Variants in VWA5B2 observed in about 807,000 individuals in gnomAD.
The protein encoded by VWA5B2 is von Willebrand factor A domain containing 5B2.
Under a neutral mutation model 118.5 loss-of-function variants are expected in VWA5B2, and 93 were observed. The observed-to-expected ratio is 0.79, with a 90% confidence interval of 0.66 to 0.93. The LOEUF (loss-of-function observed/expected upper bound fraction) is 0.93. VWA5B2 is among the 40% of genes least tolerant of loss of function. The probability of loss-of-function intolerance (pLI) is 0.00; values close to 1 mark genes in which losing one functional copy is unlikely to be tolerated. For synonymous variants in VWA5B2, 708 were observed against 716.3 expected (o/e 0.99, Z 0.19); for missense variants, 1,546 against 1,672.8 (o/e 0.92, Z 1.32).
Position 184,233,127 on chromosome 3 carries a change from C to A in VWA5B2, c.311-51C>A, listed in dbSNP as rs537734745. ...TGCCTGCTTCCACATCTAGCTTCCTCCCTCTCCTCTGCTTCCAGCATGCTC... is the reference window on the plus strand; with the variant it reads ...TGCCTGCTTCCACATCTAGCTTCCTACCTCTCCTCTGCTTCCAGCATGCTC... On this transcript the variant is annotated intron_variant, in intron 3 of 19. Transcript: ENST00000691901. The surrounding 1 kb of genome is among the most constrained non-coding windows in gnomAD (Gnocchi z 5.2). 23 of 1,498,686 alleles carry A rather than the reference C, an allele frequency of 1.5e-5. No individual in the cohort carries two copies. In the African/African-American group the frequency reaches 2.9e-4, roughly 19 times the overall value. 92.8% of individuals were successfully genotyped at this position (1,498,686 alleles called of 1,614,324 possible).
intron 1 of VWA5B2, among the ~76,000 whole-genome samples, chr3:184,230,056 G>A (rs754362749): frequency 5.3e-4 from 80 of 152,110 alleles, no homozygotes; most frequent in Non-Finnish European, 1.1e-3. Context: ...CAGGGCCGGG[G>A]GCCTCCGGGG....
chr3:184,236,282 C>G lies in VWA5B2; in HGVS notation c.1212+20C>G. ...AGTGATGTGAGTGTGGTCCAGGGAT[C>G]TGGGGGCCTTACAGAGAGGTTTCAG... On this transcript the variant is annotated intron_variant, in intron 9 of 19. Coordinates refer to ENST00000691901, the MANE Select transcript of VWA5B2 (RefSeq NM_001390846.1). 3.2e-6 allele frequency: 5 copies of G among 1,551,720 alleles called. No homozygotes were observed. The highest frequency in any genetic ancestry group is 4.4e-6 in the Non-Finnish European group (5 of 1,146,956).
chr3:184,229,827 G>A (rs890841477), intron 1 of VWA5B2, among the ~76,000 whole-genome samples, 114 bp downstream of exon 1: 1 of 152,232 alleles, frequency 6.6e-6, no homozygotes, highest in South Asian at 2.1e-4. Flanking sequence ...AGCTCTGCCG[G>A]GGTAGGGAGC....
Position 184,236,240 on chromosome 3 carries a change from C to T in VWA5B2, c.1190C>T (p.Pro397Leu). The T allele has an allele frequency of 6.4e-7, 1 of 1,551,816 alleles. No homozygotes were observed. The highest frequency in any genetic ancestry group is 1.4e-5 in the African/African-American group (1 of 73,202). ...VFGTLVQPLF[P>L]ESRPCSDDAV... ...GGGACGTTGGTGCAGCCACTCTTCC[C>T]AGAGAGCCGGCCTTGCAGTGATGTG... The change falls in exon 9 of 20, where the codon CCA becomes CTA. Residue 397 changes from proline to leucine, a missense_variant. By Grantham distance (98) the Pro-to-Leu change is moderately conservative (BLOSUM62 -3). This residue lies in a region of VWA5B2 where 775 missense variants were observed against 882.3 expected (regional missense o/e 0.88). Transcript: ENST00000691901.
In VWA5B2 at chr3:184,233,422, G is replaced by T; in HGVS notation, c.530+25G>T. On this transcript the variant is annotated intron_variant, in intron 4 of 19. Coordinates refer to ENST00000691901, the MANE Select transcript of VWA5B2 (RefSeq NM_001390846.1). This position sits in a 1 kb window ranked among gnomAD's most constrained non-coding sequence, Gnocchi z 5.2. Reference sequence around the variant, plus strand: ...GGTTGGGCCTATGGTGATTCTCTTCGTCCCTCCCTCGGCTTCTCTGGGTCT... The same window carrying T: ...GGTTGGGCCTATGGTGATTCTCTTCTTCCCTCCCTCGGCTTCTCTGGGTCT... 1 of 1,506,106 alleles carries T rather than the reference G, an allele frequency of 6.6e-7. No homozygotes were observed. Among genetic ancestry groups the T allele is most frequent in the Non-Finnish European group, 8.9e-7 (1 of 1,126,728 alleles). 93.3% of individuals were successfully genotyped at this position (1,506,106 alleles called of 1,614,324 possible).
chr3:184,241,140 A>C lies in VWA5B2; in HGVS notation c.2962+33A>C, dbSNP rs1718574563. ...CCAAAGGTAGGGAAAGGGTAGGGGC[A>C]CTTGGGCTTAGAGACCGCCCCCTGG... is the stretch of plus-strand genomic sequence containing the variant. On this transcript the variant is annotated intron_variant, in intron 18 of 19. Transcript: ENST00000691901. This position sits in a 1 kb window ranked among gnomAD's most constrained non-coding sequence, Gnocchi z 5.1. 6.4e-7 allele frequency: 1 copy of C among 1,551,566 alleles called. No homozygotes were observed. The highest frequency in any genetic ancestry group is 2.4e-5 in the East Asian group (1 of 40,906).
chr3:184,237,560 A>T lies in VWA5B2; in HGVS notation c.1719+149A>T. 1 of 852,374 alleles carries T rather than the reference A, an allele frequency of 1.2e-6. No homozygotes were observed. Among genetic ancestry groups the T allele is most frequent in the Non-Finnish European group, 1.8e-6 (1 of 567,282 alleles). 52.8% of individuals were successfully genotyped at this position (852,374 alleles called of 1,614,324 possible). A position where few individuals can be genotyped will look rare whatever the true frequency, so the allele number is the denominator to read the frequency against. ...TCTACTATCCCCTAGGACTCCACAG[A>T]GATCACACTGGGCCCCCTAAGATGA... On this transcript the variant is annotated intron_variant, in intron 12 of 19. Coordinates refer to ENST00000691901, the MANE Select transcript of VWA5B2 (RefSeq NM_001390846.1). The surrounding 1 kb of genome is among the most constrained non-coding windows in gnomAD (Gnocchi z 5.6).
Position 184,236,579 on chromosome 3 carries a change from A to T in VWA5B2, c.1421+28A>T, listed in dbSNP as rs754180344. ...ATGGGATGGGCAGAACCAGATGCGT[A>T]AGACTGAGCCCCCACAAGGGGCTCC... is the stretch of plus-strand genomic sequence containing the variant. On this transcript the variant is annotated intron_variant, in intron 10 of 19. Transcript: ENST00000691901. The T allele has an allele frequency of 6.5e-6, 10 of 1,549,010 alleles. No individual in the cohort carries two copies. The South Asian group carries it at 1.2e-4, about 18-fold the overall frequency.
chr3:184,241,809 G>C lies in VWA5B2; in HGVS notation c.3500G>C (p.Trp1167Ser). The change falls in exon 20 of 20, where the codon TGG (tryptophan) becomes TCG (serine). Residue 1167 changes from tryptophan (W) to serine (S), a missense_variant. By Grantham distance (177) the Trp-to-Ser change is radical. Transcript: ENST00000691901. This position sits in a 1 kb window ranked among gnomAD's most constrained non-coding sequence, Gnocchi z 5.1. Reference sequence around the variant, plus strand: ...GGCACCGACCTGCGGGGCCGGACCTGGGCCACTGCCGTAGCACTCGCCTGG... The same window carrying C: ...GGCACCGACCTGCGGGGCCGGACCTCGGCCACTGCCGTAGCACTCGCCTGG... ...LGGTDLRGRT[W>S]ATAVALAWLE... 6.6e-7 allele frequency: 1 copy of C among 1,510,902 alleles called. No individual in the cohort carries two copies. Among genetic ancestry groups the C allele is most frequent in the Non-Finnish European group, 8.8e-7 (1 of 1,130,952 alleles). The allele number at this position is 1,510,902 out of a possible 1,614,324, so 93.6% of individuals were successfully genotyped here.
At position 184,233,699 on chromosome 3, in the gene VWA5B2, C is replaced by T. The variant is rs764463536; in HGVS notation, c.654C>T (p.Phe218=). 1.0e-4 allele frequency: 162 copies of T among 1,550,984 alleles called. 1 individual carries two copies. The highest frequency in any genetic ancestry group is 7.3e-4 in the South Asian group (61 of 84,032). The change falls in exon 5 of 20, where the codon TTC becomes TTT. Residue 218 remains phenylalanine, a synonymous_variant. Transcript: ENST00000691901. This position sits in a 1 kb window ranked among gnomAD's most constrained non-coding sequence, Gnocchi z 5.2. ...GCCCTGCCCCATATACCTTCTCCTT[C>T]GAGATGCTGGTGACTGGGCCATGCC... is the stretch of plus-strand genomic sequence containing the variant. ...ARCPAPYTFS[F]EMLVTGPCLL...
Position 184,237,441 on chromosome 3 carries a change from G to A in VWA5B2, c.1719+30G>A. The A allele has an allele frequency of 2.0e-6, 3 of 1,531,918 alleles. No individual in the cohort carries two copies. The highest frequency in any genetic ancestry group is 1.8e-6 in the Non-Finnish European group (2 of 1,133,766). The allele number at this position is 1,531,918 out of a possible 1,614,324, so 94.9% of individuals were successfully genotyped here. ...GCTTGGGCTGGGGTGTGGTAGGGGG[G>A]CTAGGGTGAGGTAGGGGGGCCTGGG... On this transcript the variant is annotated intron_variant, in intron 12 of 19. Transcript: ENST00000691901. The surrounding 1 kb of genome is among the most constrained non-coding windows in gnomAD (Gnocchi z 5.6).
Position 184,233,197 on chromosome 3 carries a change from G to A in VWA5B2, c.330G>A (p.Leu110=). 6.4e-7 allele frequency: 1 copy of A among 1,550,900 alleles called. No homozygotes were observed. The highest frequency in any genetic ancestry group is 8.7e-7 in the Non-Finnish European group (1 of 1,146,822). Residue 110 remains leucine, a synonymous_variant, in exon 4 of 20, where the codon CTG becomes CTA. Transcript: ENST00000691901. The surrounding 1 kb of genome is among the most constrained non-coding windows in gnomAD (Gnocchi z 5.2). ...TCATAGGTCATCTTGTCTTGGATCT[G>A]GCCCAGGCCCGGTCCACGTTGGTGC... ...RCAQGHLVLD[L]AQARSTLVLP...
rs1717319209 is a variant in VWA5B2, at chr3:184,230,858, C to T, written c.251C>T (p.Ala84Val). Reference protein sequence around the residue: ...QLQSRRRSQAACCRALGPGLG... With the variant: ...QLQSRRRSQAVCCRALGPGLG... ...CAGAGCCGGCGCCGCTCGCAGGCCG[C>T]CTGCTGCCGCGCTCTGGGCCCGGGG... Residue 84 changes from alanine to valine, a missense_variant, in exon 3 of 20, where the codon GCC becomes GTC. This residue lies in a region of VWA5B2 where 775 missense variants were observed against 882.3 expected (regional missense o/e 0.88). Coordinates refer to ENST00000691901, the MANE Select transcript of VWA5B2 (RefSeq NM_001390846.1). The T allele has an allele frequency of 7.2e-6, 9 of 1,242,224 alleles. No individual in the cohort carries two copies. The highest frequency in any genetic ancestry group is 8.0e-6 in the Non-Finnish European group (8 of 993,876). 77.0% of individuals were successfully genotyped at this position (1,242,224 alleles called of 1,614,324 possible).
chr3:184,241,237 A>C lies in VWA5B2; in HGVS notation c.3013A>C (p.Asn1005His). The C allele has an allele frequency of 6.4e-7, 1 of 1,551,104 alleles. No homozygotes were observed. Among genetic ancestry groups the C allele is most frequent in the Non-Finnish European group, 8.7e-7 (1 of 1,146,808 alleles). ...AGAWDSDQNG[N>H]SKRALGDPAT... is the part of the protein sequence containing the mutation. ...CGCCTGGGACTCGGACCAAAATGGC[A>C]ACTCCAAGCGTGCTTTGGGGGACCC... The change falls in exon 19 of 20, where the codon AAC (asparagine) becomes CAC (histidine). Residue 1005 changes from asparagine to histidine, a missense_variant. Around this residue, in one of 3 missense-constraint regions of VWA5B2, gnomAD observed 763 missense variants for 766.6 expected, o/e 1.00. Transcript: ENST00000691901. The surrounding 1 kb of genome is among the most constrained non-coding windows in gnomAD (Gnocchi z 5.1).
In VWA5B2 at chr3:184,238,791, A is replaced by C; in HGVS notation, c.2120A>C (p.Gln707Pro). 7 of 1,547,758 alleles carry C rather than the reference A, an allele frequency of 4.5e-6. No homozygotes were observed. The highest frequency in any genetic ancestry group is 6.1e-6 in the Non-Finnish European group (7 of 1,144,520). ...GSAPLEPPSQ[Q>P]GCRSLAWGEP... ...GCTCCCTTGGAGCCCCCTTCTCAGC[A>C]GGGCTGCCGCAGTCTGGCCTGGGGA... The change falls in exon 14 of 20, where the codon CAG becomes CCG. Residue 707 changes from glutamine (Q) to proline (P), a missense_variant. By Grantham distance (76) the Gln-to-Pro change is moderately conservative. Coordinates refer to ENST00000691901, the MANE Select transcript of VWA5B2 (RefSeq NM_001390846.1). This position sits in a 1 kb window ranked among gnomAD's most constrained non-coding sequence, Gnocchi z 5.0.
At chr3:184,234,551 C>A in intron 6 of VWA5B2, 80 bp from the exon 7 acceptor site, 1 of 1,524,072 alleles carries the variant, frequency 6.6e-7, no homozygotes, top group East Asian at 2.5e-5. Context: ...GACCTGCAGG[C>A]TCCTCCTGGA....
chr3:184,235,314 T>C lies in VWA5B2; in HGVS notation c.1101+6T>C. On this transcript the variant is annotated splice_donor_region_variant and intron_variant, in intron 8 of 19. Coordinates refer to ENST00000691901, the MANE Select transcript of VWA5B2 (RefSeq NM_001390846.1). Reference sequence around the variant, plus strand: ...GCAGCAGCGTGGCACACAAGGCCCGTGGGGGTGTGGTGTGGGCAGGCCTGG... The same window carrying C: ...GCAGCAGCGTGGCACACAAGGCCCGCGGGGGTGTGGTGTGGGCAGGCCTGG... The C allele has an allele frequency of 6.4e-7, 1 of 1,550,576 alleles. No individual in the cohort carries two copies. The highest frequency in any genetic ancestry group is 8.7e-7 in the Non-Finnish European group (1 of 1,146,602).
chr3:184,239,253 T>TAAGGAACTTGGCCTTCC lies in VWA5B2; in HGVS notation c.2203-140_2203-124dup. 1 of 895,192 alleles carries TAAGGAACTTGGCCTTCC rather than the reference T, an allele frequency of 1.1e-6. No homozygotes were observed. Among genetic ancestry groups the TAAGGAACTTGGCCTTCC allele is most frequent in the Non-Finnish European group, 1.6e-6 (1 of 624,064 alleles). 55.5% of individuals were successfully genotyped at this position (895,192 alleles called of 1,614,324 possible). ...CAAGGCCAGAGGTCACTGTAGGCCA[T>TAAGGAACTTGGCCTTCC]AAGGAACTTGGCCTTCCTCCTCAAG... On this transcript the variant is annotated intron_variant, in intron 14 of 19. Transcript: ENST00000691901. This position sits in a 1 kb window ranked among gnomAD's most constrained non-coding sequence, Gnocchi z 5.1.
At chr3:184,235,371 C>T (rs985390699) in intron 8 of VWA5B2, 63 bp downstream of exon 8, 21 of 1,507,370 alleles carry the variant, frequency 1.4e-5, no homozygotes, top group Non-Finnish European at 1.8e-5. Flanking sequence ...CTGAGGAGGG[C>T]TGGGGGCAGC....
Sources: allele counts gnomAD v4.1 joint callset (sites outside exome capture counted in the v4.1 genomes callset), GRCh38; gene constraint gnomAD v4.1.1; regional missense constraint gnomAD v4.1.1; non-coding constraint Gnocchi (gnomAD v3.1); transcripts MANE v1.5; gene names NCBI Gene and HGNC (gene_info 2026-07-23, HGNC 2026-07-21).